The following EML6 variants were observed in gnomAD, a reference collection of about 807,000 sequenced individuals.
The protein encoded by EML6 is echinoderm microtubule-associated protein-like 6.
A neutral mutation model predicts 240.1 loss-of-function variants in EML6; 154 were observed. The observed-to-expected ratio is 0.64, with a 90% CI of 0.56 to 0.73. The LOEUF is 0.73. EML6 is among the 30% of genes least tolerant of loss of function. EML6 has a pLI of 0.00. For synonymous variants in EML6, 1,148 were observed against 899.0 expected (o/e 1.28, Z -4.95); for missense variants, 2,964 against 2,474.6 (o/e 1.20, Z -4.20).
chr2:54,838,024 G>T (rs2103625235), intron 7 of EML6, among the ~76,000 whole-genome samples: 1 of 152,320 alleles, frequency 6.6e-6, no homozygotes, highest in South Asian at 2.1e-4. Flanking sequence ...TCCCCAAATG[G>T]TTTGTTCTCT....
rs1672806105 is a variant in EML6 at position 54,896,995 on chromosome 2, TG to T, written c.2982+1596del. ...TGCATCCTTGAGGCAATGAGGTCTT[TG>T]TTCTCCAGCTGTTCTTGCTTTTGTT... On this transcript the variant is annotated intron_variant, in intron 21 of 41. Transcript: ENST00000356458. 3.9e-5 allele frequency among the ~76,000 whole-genome samples: 6 copies of T among 152,354 alleles called. No homozygotes were observed. The South Asian group carries it at 1.2e-3, about 32-fold the overall frequency.
chr2:54,848,710 G>A (rs980705963), intron 9 of EML6, among the ~76,000 whole-genome samples: 1 of 152,084 alleles, frequency 6.6e-6, no homozygotes, highest in African/African-American at 2.4e-5. Context: ...TGGCTCAGGG[G>A]ACCTGCTAGT....
At chr2:54,870,077 T>C (rs1044480257) in intron 15 of EML6, among the ~76,000 whole-genome samples, 15 of 152,236 alleles carry the variant, frequency 9.9e-5, no homozygotes, top group African/African-American at 3.6e-4. Context: ...AATGAGTGTT[T>C]AATTGCAGAT....
intron 2 of EML6, among the ~76,000 whole-genome samples, chr2:54,760,600 A>C (rs1308202426): frequency 1.3e-5 from 2 of 152,120 alleles, no homozygotes. Flanking sequence ...TTTCCCTACC[A>C]TCTGGCCGGT....
intron 2 of EML6, among the ~76,000 whole-genome samples, chr2:54,730,894 C>T (rs1054835627): frequency 6.6e-6 from 1 of 152,128 alleles, no homozygotes; most frequent in African/African-American, 2.4e-5. Flanking sequence ...TTTCTGCCGC[C>T]TCGAAGCTTA....
intron 28 of EML6, among the ~76,000 whole-genome samples, chr2:54,948,095 C>T (rs1184459970): frequency 2.0e-5 from 3 of 152,148 alleles, no homozygotes; most frequent in Non-Finnish European, 2.9e-5. Flanking sequence ...AGTTCTTTCT[C>T]GACCCATCCA....
At chr2:54,911,214 T>G (rs370051470) in intron 25 of EML6, among the ~76,000 whole-genome samples, 172 bp downstream of exon 25, 1 of 152,204 alleles carries the variant, frequency 6.6e-6, no homozygotes, top group Non-Finnish European at 1.5e-5. Flanking sequence ...CCAGAACATA[T>G]GGATTTATCA....
chr2:54,734,836 AT>A (rs950041006), intron 2 of EML6, among the ~76,000 whole-genome samples: 36 of 152,274 alleles, frequency 2.4e-4, no homozygotes, highest in African/African-American at 8.2e-4. Flanking sequence ...TTGAAAATGA[AT>A]TTTCCTAAGG....
chr2:54,789,299 G>T (rs1204486193), intron 2 of EML6, among the ~76,000 whole-genome samples: 1 of 151,928 alleles, frequency 6.6e-6, no homozygotes, highest in Non-Finnish European at 1.5e-5. Context: ...GGATCACGAG[G>T]TCAGGAGATC....
At chr2:54,935,121 G>A (rs900985359) in intron 28 of EML6, among the ~76,000 whole-genome samples, 3 of 152,096 alleles carry the variant, frequency 2.0e-5, no homozygotes, top group Admixed American at 6.6e-5. Flanking sequence ...GCATTGCTTC[G>A]TGTTTAGGTT....
intron 2 of EML6, among the ~76,000 whole-genome samples, chr2:54,770,724 T>C (rs771207720): frequency 3.4e-4 from 52 of 152,332 alleles, no homozygotes; most frequent in Non-Finnish European, 5.0e-4. Context: ...CTGTCGTTAG[T>C]TGATACAGTT....
chr2:54,835,735 C>T (rs1669106393), intron 7 of EML6, among the ~76,000 whole-genome samples: 1 of 152,118 alleles, frequency 6.6e-6, no homozygotes, highest in African/African-American at 2.4e-5. Flanking sequence ...TTGGCAGTGT[C>T]TGGAGACATT....
intron 16 of EML6, among the ~76,000 whole-genome samples, chr2:54,876,195 G>A (rs1228498110): frequency 6.6e-6 from 1 of 152,222 alleles, no homozygotes; most frequent in African/African-American, 2.4e-5. Flanking sequence ...ACTGGTCAGA[G>A]AGTAGATTTC....
At chr2:54,919,122 T>C (rs1461128677) in intron 26 of EML6, among the ~76,000 whole-genome samples, 7 of 152,206 alleles carry the variant, frequency 4.6e-5, no homozygotes. Flanking sequence ...GTAAATGAGT[T>C]CTGTTTTCTC....
chr2:54,915,803 C>T (rs910095484), intron 25 of EML6, among the ~76,000 whole-genome samples: 1 of 152,054 alleles, frequency 6.6e-6, no homozygotes, highest in Non-Finnish European at 1.5e-5. Flanking sequence ...GAGATCTGGG[C>T]TTTAATTTTA....
At chr2:54,734,529 G>A (rs1025815716) in intron 2 of EML6, among the ~76,000 whole-genome samples, 1 of 152,212 alleles carries the variant, frequency 6.6e-6, no homozygotes. Flanking sequence ...TGCTGGTCTG[G>A]TGTCAGGGGT....
chr2:54,729,350 A>G (rs1683054329), intron 2 of EML6, among the ~76,000 whole-genome samples: 1 of 152,244 alleles, frequency 6.6e-6, no homozygotes, highest in South Asian at 2.1e-4. Context: ...CTTAATATGT[A>G]TCATTTAGGG....
In EML6 at chr2:54,725,879, G is replaced by T. The variant is rs545254373; in HGVS notation, c.197+621G>T. On this transcript the variant is annotated intron_variant, in intron 2 of 41. Transcript: ENST00000356458. This position sits in a 1 kb window ranked among gnomAD's most constrained non-coding sequence, Gnocchi z 4.3. ...TTGAGGTTATTAAAGGCTGGCAGCT[G>T]CTGGATCACAAAATCCTACCAGCCA... Among the ~76,000 whole-genome samples, 5 of 152,330 alleles carry T rather than the reference G, an allele frequency of 3.3e-5. No homozygotes were observed. The highest frequency in any genetic ancestry group is 1.2e-4 in the African/African-American group (5 of 41,568).
Position 54,971,607 on chromosome 2 carries a change from A to T in EML6, c.*1512A>T, listed in dbSNP as rs1677015851. The T allele has an allele frequency of 6.6e-6, 1 of 152,228 alleles. No individual in the cohort carries two copies. The highest frequency in any genetic ancestry group is 6.5e-5 in the Admixed American group (1 of 15,284). The allele number at this position is 152,228 out of a possible 1,614,324, so 9.4% of individuals were successfully genotyped here. A position where few individuals can be genotyped will look rare whatever the true frequency, so the allele number is the denominator to read the frequency against. On this transcript the variant is annotated 3_prime_UTR_variant, in exon 42 of 42. Coordinates refer to ENST00000356458, the MANE Select transcript of EML6 (RefSeq NM_001039753.4). ...AGCTATTTTTATATGCCAATTTACT[A>T]ATGCCTTACATCAATCCACTAATAG...
Sources: gnomAD v4.1 joint callset for allele counts (sites outside exome capture counted in the v4.1 genomes callset) on GRCh38, gnomAD v4.1.1 for gene constraint, Gnocchi (gnomAD v3.1) non-coding constraint, MANE v1.5 for transcripts, NCBI Gene and HGNC (gene_info 2026-07-23, HGNC 2026-07-21) for gene names.